MYCL: variants seen among roughly 807,000 people sequenced by gnomAD.
MYCL encodes protein L-Myc.
In MYCL, 11 loss-of-function variants were observed where a neutral mutation model predicts 31.0. The observed-to-expected ratio is 0.35, with a 90% CI of 0.22 to 0.59. The LOEUF (loss-of-function observed/expected upper bound fraction) is 0.59. MYCL is among the 20% of genes least tolerant of loss of function. MYCL has a pLI of 0.79. For synonymous variants in MYCL, 208 were observed against 202.4 expected (o/e 1.03, Z -0.23); for missense variants, 427 against 486.1 (o/e 0.88, Z 1.14).
chr1:39,900,703 TG>T lies in MYCL; in HGVS notation c.496+235del, dbSNP rs1421658779. On this transcript the variant is annotated intron_variant, in intron 1 of 1. Transcript: ENST00000372816. The stretch of plus-strand genomic sequence containing the variant: ...CCCTCACCTCAAATCCCTTGTCCCC[TG>T]GGGCTCCAATAATCATCAAAGGGAG... 1.6e-5 allele frequency: 22 copies of T among 1,395,370 alleles called. No homozygotes were observed. In the African/African-American group the frequency reaches 3.3e-4, roughly 21 times the overall value. The allele number at this position is 1,395,370 out of a possible 1,614,324, so 86.4% of individuals were successfully genotyped here.
rs1644531080 is a variant in MYCL, at chr1:39,900,967, G to A, written c.468C>T (p.Cys156=). 4 of 1,495,312 alleles carry A rather than the reference G, an allele frequency of 2.7e-6. No homozygotes were observed. The highest frequency in any genetic ancestry group is 1.3e-5 in the South Asian group (1 of 76,310). 92.6% of individuals were successfully genotyped at this position (1,495,312 alleles called of 1,614,324 possible). A position where few individuals can be genotyped will look rare whatever the true frequency, so the allele number is the denominator to read the frequency against. Residue 156 remains cysteine, a synonymous_variant, in exon 1 of 2, where the codon TGC becomes TGT. Transcript: ENST00000372816. ...AGTCGCTTGGGCTCTCGGACCCGGA[G>A]CAGGCCTGGGTCTTGGGTTCGCCCA... is the stretch of plus-strand genomic sequence containing the variant. ...CPLGEPKTQA[C]SGSESPSDSE... is the part of the protein sequence containing the mutation.
rs764355742 is a variant in MYCL at position 39,901,376 on chromosome 1, T to G, written c.59A>C (p.Tyr20Ser). The part of the protein sequence containing the change: ...FYDYDCGEDF[Y>S]RSTAPSEDIW... ...GTCCTCGCTGGGCGCCGTGGAGCGG[T>G]AGAAATCCTCCCCGCAGTCATAGTC... Residue 20 changes from tyrosine to serine, a missense_variant, in exon 1 of 2, where the codon TAC (tyrosine) becomes TCC (serine). By Grantham distance (144) the Tyr-to-Ser change is moderately radical (BLOSUM62 -2). Transcript: ENST00000372816. The surrounding 1 kb of genome is among the most constrained non-coding windows in gnomAD (Gnocchi z 6.9). 4 of 1,612,114 alleles carry G rather than the reference T, an allele frequency of 2.5e-6. No homozygotes were observed. The highest frequency in any genetic ancestry group is 3.4e-6 in the Non-Finnish European group (4 of 1,179,526).
chr1:39,897,989 C>G lies in MYCL; in HGVS notation c.497-19G>C, dbSNP rs1644499758. 6 of 1,604,276 alleles carry G rather than the reference C, an allele frequency of 3.7e-6. No homozygotes were observed. The highest frequency in any genetic ancestry group is 1.1e-5 in the South Asian group (1 of 90,232). ...TCATTCTCTGTCCGAGAAAAGAGAT[C>G]AAGAGAAGAAACACATCCCATGAGA... On this transcript the variant is annotated intron_variant, in intron 1 of 1. Transcript: ENST00000372816. The surrounding 1 kb of genome is among the most constrained non-coding windows in gnomAD (Gnocchi z 4.3).
intron 1 of MYCL, chr1:39,899,686 G>C: frequency 1.0e-6 from 1 of 985,272 alleles, no homozygotes; most frequent in Non-Finnish European, 1.2e-6. Flanking sequence ...ATAAACTCTT[G>C]GTGTAGAAAG....
chr1:39,896,810 G>A lies in MYCL; in HGVS notation c.*562C>T. 1 of 202,336 alleles carries A rather than the reference G, an allele frequency of 4.9e-6. No homozygotes were observed. The highest frequency in any genetic ancestry group is 1.0e-5 in the Non-Finnish European group (1 of 98,164). The allele number at this position is 202,336 out of a possible 1,614,324, so 12.5% of individuals were successfully genotyped here. On this transcript the variant is annotated 3_prime_UTR_variant, in exon 2 of 2. Coordinates refer to ENST00000372816, the MANE Select transcript of MYCL (RefSeq NM_001033081.3). ...AATATATAAAGGTTTCCAACTCCTT[G>A]GCTACTGTAAAGTGTCTGACAGTGA...
At position 39,897,977 on chromosome 1, in the gene MYCL, G is replaced by A. The variant is rs184281409; in HGVS notation, c.497-7C>T. 1,641 of 1,608,690 alleles carry A rather than the reference G, an allele frequency of 1.0e-3. 7 individuals are homozygous for A. The highest frequency in any genetic ancestry group is 6.7e-3 in the South Asian group (611 of 90,784). Reference sequence around the variant, plus strand: ...ACATCAATTTCTTCATTCTCTGTCCGAGAAAAGAGATCAAGAGAAGAAACA... The same window carrying A: ...ACATCAATTTCTTCATTCTCTGTCCAAGAAAAGAGATCAAGAGAAGAAACA... On this transcript the variant is annotated splice_region_variant and splice_polypyrimidine_tract_variant and intron_variant, in intron 1 of 1. Transcript: ENST00000372816. This position sits in a 1 kb window ranked among gnomAD's most constrained non-coding sequence, Gnocchi z 4.3.
Position 39,897,583 on chromosome 1 carries a change from T to C in MYCL, c.884A>G (p.Asn295Ser), listed in dbSNP as rs1036072904. The C allele has an allele frequency of 6.2e-7, 1 of 1,614,226 alleles. No homozygotes were observed. Among genetic ancestry groups the C allele is most frequent in the Non-Finnish European group, 8.5e-7 (1 of 1,180,046 alleles). ...CGCCAAGAATCGCGAACGCAGGTCA[T>C]TCCGCCTCTTGCGCTCCAGGAAGTT... ...NHNFLERKRRNDLRSRFLALR... is the reference protein window; with the variant it reads ...NHNFLERKRRSDLRSRFLALR... Residue 295 changes from asparagine (N) to serine (S), a missense_variant, in exon 2 of 2, where the codon AAT becomes AGT. Asn to Ser is a conservative substitution (Grantham distance 46). Coordinates refer to ENST00000372816, the MANE Select transcript of MYCL (RefSeq NM_001033081.3). The surrounding 1 kb of genome is among the most constrained non-coding windows in gnomAD (Gnocchi z 4.3).
Position 39,897,890 on chromosome 1 carries a change from C to T in MYCL, c.577G>A (p.Ala193Thr). 2 of 1,614,150 alleles carry T rather than the reference C, an allele frequency of 1.2e-6. No homozygotes were observed. Among genetic ancestry groups the T allele is most frequent in the Admixed American group, 1.7e-5 (1 of 60,018 alleles). Residue 193 changes from alanine to threonine, a missense_variant, in exon 2 of 2, where the codon GCA becomes ACA. Coordinates refer to ENST00000372816, the MANE Select transcript of MYCL (RefSeq NM_001033081.3). The surrounding 1 kb of genome is among the most constrained non-coding windows in gnomAD (Gnocchi z 4.3). ...TTCATGCAGGGATCCAGGGGGTCTG[C>T]TCGCACCGTGATGGTGACCGGCTTC... ...IRKPVTITVR[A>T]DPLDPCMKHF...
chr1:39,900,573 G>A, intron 1 of MYCL: 1 of 1,202,292 alleles, frequency 8.3e-7, no homozygotes, highest in Non-Finnish European at 1.0e-6. Context: ...GAGTTTCCTA[G>A]GGAAAGAGGC....
Position 39,901,698 on chromosome 1 carries a change from C to A in MYCL, c.-264G>T. ...TTTGCCAGCGCCGCCCGGAGCGCAG[C>A]TCCCAGGGCCCGGCGGGGCCGGGCG... On this transcript the variant is annotated 5_prime_UTR_variant, in exon 1 of 2. Coordinates refer to ENST00000372816, the MANE Select transcript of MYCL (RefSeq NM_001033081.3). This position sits in a 1 kb window ranked among gnomAD's most constrained non-coding sequence, Gnocchi z 6.9. 3 of 1,241,880 alleles carry A rather than the reference C, an allele frequency of 2.4e-6. No homozygotes were observed. The highest frequency in any genetic ancestry group is 3.0e-6 in the Non-Finnish European group (3 of 996,048). 76.9% of individuals were successfully genotyped at this position (1,241,880 alleles called of 1,614,324 possible). A position where few individuals can be genotyped will look rare whatever the true frequency, so the allele number is the denominator to read the frequency against.
chr1:39,901,596 G>A lies in MYCL; in HGVS notation c.-162C>T, dbSNP rs1014184417. ...CCCAGTCCTCGCGTCCCGGGAAGCC[G>A]GGCCCCGGGTCAGAGTGGTAGGGGA... is the stretch of plus-strand genomic sequence containing the variant. On this transcript the variant is annotated 5_prime_UTR_variant, in exon 1 of 2. Coordinates refer to ENST00000372816, the MANE Select transcript of MYCL (RefSeq NM_001033081.3). The surrounding 1 kb of genome is among the most constrained non-coding windows in gnomAD (Gnocchi z 6.9). The A allele has an allele frequency of 1.4e-6, 2 of 1,429,166 alleles. No homozygotes were observed. The highest frequency in any genetic ancestry group is 2.6e-5 in the East Asian group (1 of 38,112). The allele number at this position is 1,429,166 out of a possible 1,614,324, so 88.5% of individuals were successfully genotyped here.
chr1:39,900,845 G>A, intron 1 of MYCL, 94 bp downstream of exon 1: 1 of 1,510,444 alleles, frequency 6.6e-7, no homozygotes, highest in African/African-American at 1.4e-5. Context: ...TGGCCCAAGA[G>A]CTTGAGAAGA....
rs1208981702 is a variant in MYCL at position 39,897,943 on chromosome 1, A to G, written c.524T>C (p.Val175Ala). The G allele has an allele frequency of 2.5e-6, 4 of 1,613,752 alleles. No individual in the cohort carries two copies. Among genetic ancestry groups the G allele is most frequent in the Non-Finnish European group, 3.4e-6 (4 of 1,179,752 alleles). ...SENEEIDVVT[V>A]EKRQSLGIRK... is the part of the protein sequence containing the mutation. ...AATACCCAGAGACTGCCTCTTCTCT[A>G]CTGTCACAACATCAATTTCTTCATT... Residue 175 changes from valine (V) to alanine (A), a missense_variant, in exon 2 of 2, where the codon GTA becomes GCA. Physicochemically the swap from Val to Ala is moderately conservative, Grantham distance 64. Transcript: ENST00000372816. This position sits in a 1 kb window ranked among gnomAD's most constrained non-coding sequence, Gnocchi z 4.3.
chr1:39,899,120 C>G (rs995403417), intron 1 of MYCL: 2 of 981,502 alleles, frequency 2.0e-6, no homozygotes, highest in Non-Finnish European at 2.4e-6. Flanking sequence ...GCTGATTACG[C>G]TGTGTTTGGA....
At position 39,897,362 on chromosome 1, in the gene MYCL, T is replaced by G; in HGVS notation, c.*10A>C. The G allele has an allele frequency of 6.4e-7, 1 of 1,566,140 alleles. No individual in the cohort carries two copies. Among genetic ancestry groups the G allele is most frequent in the African/African-American group, 1.4e-5 (1 of 73,124 alleles). ...CTTCGTAAGACAGAACTGTCAGGCT[T>G]TTTGGTCAGTTAGTAGCCAGTGAGG... On this transcript the variant is annotated 3_prime_UTR_variant, in exon 2 of 2. Transcript: ENST00000372816. The surrounding 1 kb of genome is among the most constrained non-coding windows in gnomAD (Gnocchi z 4.3).
At chr1:39,900,009 C>A (rs1367985337) in intron 1 of MYCL, 1 of 985,348 alleles carries the variant, frequency 1.0e-6, no homozygotes, top group East Asian at 1.1e-4. Context: ...CTGCCCTCAG[C>A]GAGGTTGCAC....
intron 1 of MYCL, 70 bp downstream of exon 1, chr1:39,900,869 C>G (rs1256704657): frequency 6.6e-7 from 1 of 1,512,434 alleles, no homozygotes; most frequent in African/African-American, 1.4e-5. Flanking sequence ...AATGCCTGAC[C>G]TCAGGCAGGG....
chr1:39,897,425 G>A lies in MYCL; in HGVS notation c.1042C>T (p.Arg348Ter), dbSNP rs1432296469. Residue 348 changes from arginine (R) to a stop codon, truncating the protein, a stop_gained, in exon 2 of 2, where the codon CGA becomes TGA. Coordinates refer to ENST00000372816, the MANE Select transcript of MYCL (RefSeq NM_001033081.3). LOFTEE classifies it high-confidence loss of function. This position sits in a 1 kb window ranked among gnomAD's most constrained non-coding sequence, Gnocchi z 4.3. The part of the protein sequence containing the change: ...KRMATEKRQL[R>*]CRQQQLQKRI... ...TTCTGCAACTGCTGCTGCCGGCATC[G>A]GAGCTGTCTTTTCTCTGTAGCCATC... 1.2e-6 allele frequency: 2 copies of A among 1,611,656 alleles called. No homozygotes were observed. The highest frequency in any genetic ancestry group is 1.7e-5 in the Admixed American group (1 of 59,930).
chr1:39,901,281 C>A lies in MYCL; in HGVS notation c.154G>T (p.Gly52Trp). The A allele has an allele frequency of 6.2e-7, 1 of 1,600,458 alleles. No homozygotes were observed. The highest frequency in any genetic ancestry group is 8.5e-7 in the Non-Finnish European group (1 of 1,174,150). ...GGACCAATCCCGGGGGCCGGGTCCC[C>A]TGCGCCGGGACCCAAGCCCCAGGGC... ...SPPWGLGPGA[G>W]DPAPGIGPPE... The change falls in exon 1 of 2, where the codon GGG becomes TGG. Residue 52 changes from glycine to tryptophan, a missense_variant. Coordinates refer to ENST00000372816, the MANE Select transcript of MYCL (RefSeq NM_001033081.3). This position sits in a 1 kb window ranked among gnomAD's most constrained non-coding sequence, Gnocchi z 6.9.
Sources: allele counts gnomAD v4.1 joint callset, GRCh38; gene constraint gnomAD v4.1.1; non-coding constraint Gnocchi (gnomAD v3.1); transcripts MANE v1.5; gene names NCBI Gene and HGNC (gene_info 2026-07-23, HGNC 2026-07-21).